NFE2L1: variants seen among roughly 807,000 people sequenced by gnomAD.
The protein encoded by NFE2L1 is endoplasmic reticulum membrane sensor NFE2L1.
In NFE2L1, 18 loss-of-function variants were observed where a neutral mutation model predicts 61.6. The observed-to-expected ratio is 0.29, with a 90% confidence interval of 0.20 to 0.43. The LOEUF (loss-of-function observed/expected upper bound fraction) is 0.43, where lower values mean the gene tolerates loss of function less well. Among genes scored for constraint, NFE2L1 ranks in the 20% least tolerant of loss-of-function variants. The pLI is 1.00. For synonymous variants in NFE2L1, 419 were observed against 402.7 expected, an observed-to-expected ratio of 1.04 and a Z score of -0.48; for missense variants, 827 against 973.5, an observed-to-expected ratio of 0.85 and a Z score of 2.00.
chr17:48,051,846 ACT>A (rs1200481827), intron 2 of NFE2L1, among the ~76,000 whole-genome samples: 1 of 151,998 alleles, frequency 6.6e-6, no homozygotes, highest in African/African-American at 2.4e-5. Context: ...CTCTAAATGT[ACT>A]GTCAGGGCAG....
At position 48,059,581 on chromosome 17, in the gene NFE2L1, C is replaced by A; in HGVS notation, c.2259C>A (p.Arg753=). Residue 753 remains arginine, a synonymous_variant, in exon 6 of 6, where the codon CGC becomes CGA. Coordinates refer to ENST00000362042, the MANE Select transcript of NFE2L1 (RefSeq NM_003204.3). The surrounding 1 kb of genome is among the most constrained non-coding windows in gnomAD (Gnocchi z 6.1). Reference sequence around the variant, plus strand: ...ACGGCAGTGTCCTCCTCATCCCCCGCACGATGGCCGACCAGCAGGCCCGGC... The same window carrying A: ...ACGGCAGTGTCCTCCTCATCCCCCGAACGATGGCCGACCAGCAGGCCCGGC... ...AGDGSVLLIP[R]TMADQQARRQ... The A allele has an allele frequency of 6.3e-7, 1 of 1,594,350 alleles. No homozygotes were observed. The highest frequency in any genetic ancestry group is 8.6e-7 in the Non-Finnish European group (1 of 1,167,512).
Position 48,048,377 on chromosome 17 carries a change from C to G in NFE2L1, c.-598C>G, listed in dbSNP as rs1286208480. The G allele has an allele frequency of 2.0e-5, 3 of 152,976 alleles. No homozygotes were observed. The highest frequency in any genetic ancestry group is 1.9e-4 in the East Asian group (1 of 5,222). The allele number at this position is 152,976 out of a possible 1,614,324, so 9.5% of individuals were successfully genotyped here. ...GGGAGGTAAGCGGAGGCTCCGAGCTCTAGGCCGGCCGGCGGTGGCGGCGGC... is the reference window on the plus strand; with the variant it reads ...GGGAGGTAAGCGGAGGCTCCGAGCTGTAGGCCGGCCGGCGGTGGCGGCGGC... On this transcript the variant is annotated 5_prime_UTR_variant, in exon 1 of 6. Transcript: ENST00000362042.
At chr17:48,058,174 GGTTTA>G in intron 5 of NFE2L1, 116 bp from the exon 6 acceptor site, 1 of 1,389,386 alleles carries the variant, frequency 7.2e-7, no homozygotes, top group Admixed American at 2.5e-5. Flanking sequence ...TGTGGGCTTT[GGTTTA>G]TAGTATTTTG....
chr17:48,055,209 G>A lies in NFE2L1; in HGVS notation c.511-1177G>A, dbSNP rs1333130044. 3 of 1,274,838 alleles carry A rather than the reference G, an allele frequency of 2.4e-6. No individual in the cohort carries two copies. The East Asian group carries it at 9.4e-5, about 40-fold the overall frequency. 79.0% of individuals were successfully genotyped at this position (1,274,838 alleles called of 1,614,324 possible). On this transcript the variant is annotated intron_variant, in intron 2 of 5. Coordinates refer to ENST00000362042, the MANE Select transcript of NFE2L1 (RefSeq NM_003204.3). Reference sequence around the variant, plus strand: ...CTGGGAGGTCTTAGGGTCAGGGGGGGTTAATGGGAGAAGAATACCGACTTA... The same window carrying A: ...CTGGGAGGTCTTAGGGTCAGGGGGGATTAATGGGAGAAGAATACCGACTTA...
At chr17:48,058,117 C>T (rs908613085) in intron 5 of NFE2L1, among the ~76,000 whole-genome samples, 178 bp from the exon 6 acceptor site, 1 of 152,162 alleles carries the variant, frequency 6.6e-6, no homozygotes, top group East Asian at 1.9e-4. Flanking sequence ...ATGGAAGAAC[C>T]CATCTCTGCC....
chr17:48,055,502 A>G (rs1299990006), intron 2 of NFE2L1, among the ~76,000 whole-genome samples: 3 of 152,042 alleles, frequency 2.0e-5, no homozygotes, highest in South Asian at 2.1e-4. Context: ...CCAAGGTGGC[A>G]GTTGTAGCTG....
At position 48,058,842 on chromosome 17, in the gene NFE2L1, C is replaced by T; in HGVS notation, c.1520C>T (p.Ser507Phe). 4 of 1,613,680 alleles carry T rather than the reference C, an allele frequency of 2.5e-6. No individual in the cohort carries two copies. The highest frequency in any genetic ancestry group is 3.4e-6 in the Non-Finnish European group (4 of 1,179,948). Residue 507 changes from serine to phenylalanine, a missense_variant, in exon 6 of 6, where the codon TCT becomes TTT. Around this residue, in one of 3 missense-constraint regions of NFE2L1, gnomAD observed 667 missense variants for 748.4 expected, o/e 0.89. Coordinates refer to ENST00000362042, the MANE Select transcript of NFE2L1 (RefSeq NM_003204.3). ...TCTTCTTCCTCCTCCTCTTCCTCTT[C>T]TTCCTCTGCTTCTTCCTCTGCCTCT... ...SSSSSSSSSSSSSASSSASSS... is the reference protein window; with the variant it reads ...SSSSSSSSSSFSSASSSASSS...
At position 48,058,381 on chromosome 17, in the gene NFE2L1, C is replaced by T. The variant is rs761297969; in HGVS notation, c.1059C>T (p.Pro353=). The change falls in exon 6 of 6, where the codon CCC becomes CCT. Residue 353 remains proline, a synonymous_variant. Coordinates refer to ENST00000362042, the MANE Select transcript of NFE2L1 (RefSeq NM_003204.3). The part of the protein sequence containing the change: ...DPLSTNYSLA[P]NTPINQNVSL... ...TGAGCACCAACTACAGCCTTGCCCC[C>T]AACACTCCCATCAATCAGAATGTCA... 6.2e-7 allele frequency: 1 copy of T among 1,614,162 alleles called. No individual in the cohort carries two copies.
rs755140808 is a variant in NFE2L1, at chr17:48,056,548, G to A, written c.673G>A (p.Ala225Thr). The A allele has an allele frequency of 9.5e-5, 154 of 1,613,886 alleles. No individual in the cohort carries two copies. The highest frequency in any genetic ancestry group is 4.3e-4 in the Admixed American group (26 of 60,010). The change falls in exon 3 of 6, where the codon GCA (alanine) becomes ACA (threonine). Residue 225 changes from alanine (A) to threonine (T), a missense_variant. Transcript: ENST00000362042. The stretch of plus-strand genomic sequence containing the variant: ...GGCAGGCGAGGGCGCGGAAGCTCTG[G>A]CACGGAACCTGCTAGTGGATGGAGA... ...TWAGEGAEALARNLLVDGETG... is the reference protein window; with the variant it reads ...TWAGEGAEALTRNLLVDGETG...
At chr17:48,055,822 T>G (rs558409700) in intron 2 of NFE2L1, 1 of 159,004 alleles carries the variant, frequency 6.3e-6, no homozygotes, top group South Asian at 1.8e-4. Flanking sequence ...TAGGAAGGGC[T>G]GGAGACAGCA....
rs1188826420 is a variant in NFE2L1, at chr17:48,061,413, C to T, written c.*1772C>T. 4 of 152,022 alleles carry T rather than the reference C, an allele frequency of 2.6e-5. 1 individual carries two copies. The South Asian group carries it at 6.2e-4, about 24-fold the overall frequency. The allele number at this position is 152,022 out of a possible 1,614,324, so 9.4% of individuals were successfully genotyped here. A position where few individuals can be genotyped will look rare whatever the true frequency, so the allele number is the denominator to read the frequency against. On this transcript the variant is annotated 3_prime_UTR_variant, in exon 6 of 6. Coordinates refer to ENST00000362042, the MANE Select transcript of NFE2L1 (RefSeq NM_003204.3). ...TTTTTAATTTATCTCTGTGACCTGC[C>T]AGGGAGAGGGGAGAGAGAGAGAGAT...
At position 48,059,431 on chromosome 17, in the gene NFE2L1, C is replaced by A; in HGVS notation, c.2109C>A (p.Phe703Leu). 5.6e-6 allele frequency: 9 copies of A among 1,614,176 alleles called. No individual in the cohort carries two copies. The highest frequency in any genetic ancestry group is 7.6e-6 in the Non-Finnish European group (9 of 1,180,032). ...KARLLREKVE[F>L]LRSLRQMKQK... is the part of the protein sequence containing the mutation. The stretch of plus-strand genomic sequence containing the variant: ...GGCTGCTGCGGGAGAAAGTGGAGTT[C>A]CTGCGCTCCCTGCGACAGATGAAGC... Residue 703 changes from phenylalanine to leucine, a missense_variant, in exon 6 of 6, where the codon TTC (phenylalanine) becomes TTA (leucine). Coordinates refer to ENST00000362042, the MANE Select transcript of NFE2L1 (RefSeq NM_003204.3). This position sits in a 1 kb window ranked among gnomAD's most constrained non-coding sequence, Gnocchi z 6.1.
chr17:48,057,321 A>G (rs746201130), intron 4 of NFE2L1, 23 bp from the exon 5 acceptor site: 26 of 1,609,720 alleles, frequency 1.6e-5, no homozygotes, highest in Admixed American at 1.7e-5. Context: ...CCCCCTTGTT[A>G]AAGCCTCTGT....
intron 4 of NFE2L1, 63 bp from the exon 5 acceptor site, chr17:48,057,281 C>T: frequency 6.3e-7 from 1 of 1,599,090 alleles, no homozygotes; most frequent in Non-Finnish European, 8.5e-7. Flanking sequence ...AGGTGGTAAT[C>T]TCTGGGAGGA....
chr17:48,059,575 C>G lies in NFE2L1; in HGVS notation c.2253C>G (p.Ile751Met). Residue 751 changes from isoleucine to methionine, a missense_variant, in exon 6 of 6, where the codon ATC becomes ATG. By Grantham distance (10) the Ile-to-Met change is conservative. Around this residue, in one of 3 missense-constraint regions of NFE2L1, gnomAD observed 86 missense variants for 97.3 expected, o/e 0.88. Coordinates refer to ENST00000362042, the MANE Select transcript of NFE2L1 (RefSeq NM_003204.3). The surrounding 1 kb of genome is among the most constrained non-coding windows in gnomAD (Gnocchi z 6.1). ...CCGGGGACGGCAGTGTCCTCCTCAT[C>G]CCCCGCACGATGGCCGACCAGCAGG... ...QYAGDGSVLL[I>M]PRTMADQQAR... 6.2e-7 allele frequency: 1 copy of G among 1,600,164 alleles called. No homozygotes were observed. The highest frequency in any genetic ancestry group is 8.5e-7 in the Non-Finnish European group (1 of 1,170,430).
At position 48,051,212 on chromosome 17, in the gene NFE2L1, C is replaced by T. The variant is rs1408057695; in HGVS notation, c.94C>T (p.Leu32=). The T allele has an allele frequency of 3.1e-6, 5 of 1,614,090 alleles. No homozygotes were observed. The highest frequency in any genetic ancestry group is 2.7e-5 in the African/African-American group (2 of 74,916). ...IGVRVDVDTY[L]TSQLPPLREI... is the part of the protein sequence containing the mutation. ...GGTACGGGTGGACGTGGATACTTAC[C>T]TGACCTCACAGCTTCCCCCACTCCG... is the stretch of plus-strand genomic sequence containing the variant. Residue 32 remains leucine (L), a synonymous_variant, in exon 2 of 6, where the codon CTG becomes TTG. Transcript: ENST00000362042.
At chr17:48,054,601 T>C in intron 2 of NFE2L1, 1 of 355,286 alleles carries the variant, frequency 2.8e-6, no homozygotes, top group Non-Finnish European at 3.5e-6. Flanking sequence ...ACCTGCGGGG[T>C]GGGAGGGGGT....
At chr17:48,057,882 C>T (rs1379607178) in intron 5 of NFE2L1, among the ~76,000 whole-genome samples, 6 of 152,160 alleles carry the variant, frequency 3.9e-5, no homozygotes. Flanking sequence ...ATCTAGTCAG[C>T]CTTTATCTCA....
At position 48,059,389 on chromosome 17, in the gene NFE2L1, G is replaced by A; in HGVS notation, c.2067G>A (p.Leu689=). The part of the protein sequence containing the change: ...ILNLERDVED[L]QRDKARLLRE... The stretch of plus-strand genomic sequence containing the variant: ...ATCTGGAGCGTGATGTGGAGGACCT[G>A]CAGCGTGACAAAGCCCGGCTGCTGC... The change falls in exon 6 of 6, where the codon CTG becomes CTA. Residue 689 remains leucine, a synonymous_variant. Coordinates refer to ENST00000362042, the MANE Select transcript of NFE2L1 (RefSeq NM_003204.3). This position sits in a 1 kb window ranked among gnomAD's most constrained non-coding sequence, Gnocchi z 6.1. The A allele has an allele frequency of 6.2e-7, 1 of 1,614,194 alleles. No individual in the cohort carries two copies. The highest frequency in any genetic ancestry group is 8.5e-7 in the Non-Finnish European group (1 of 1,180,038).
Sources: gnomAD v4.1 joint callset for allele counts (sites outside exome capture counted in the v4.1 genomes callset) on GRCh38, gnomAD v4.1.1 for gene constraint, gnomAD v4.1.1 regional missense constraint, Gnocchi (gnomAD v3.1) non-coding constraint, MANE v1.5 for transcripts, NCBI Gene and HGNC (gene_info 2026-07-23, HGNC 2026-07-21) for gene names.